NSMCE2: variants seen among roughly 807,000 people sequenced by gnomAD.
The protein encoded by NSMCE2 is NSE2 SUMO ligase component of SMC5/6 complex, also known as E3 SUMO-protein ligase NSE2.
In NSMCE2, 24 loss-of-function variants were observed where a neutral mutation model predicts 23.8. The observed-to-expected ratio is 1.01, with a 90% confidence interval of 0.73 to 1.42. The LOEUF (loss-of-function observed/expected upper bound fraction) is 1.42, where lower values mean the gene tolerates loss of function less well. Among genes scored for constraint, NSMCE2 ranks in the 40% most tolerant of loss-of-function variants. The pLI is 0.00. For synonymous variants in NSMCE2, 92 were observed against 94.1 expected, an observed-to-expected ratio of 0.98 and a Z score of 0.13; for missense variants, 284 against 296.5, an observed-to-expected ratio of 0.96 and a Z score of 0.31.
intron 5 of NSMCE2, among the ~76,000 whole-genome samples, chr8:125,334,772 CTTTTTTTTTTTTTT>C (rs34213706): frequency 3.6e-5 from 2 of 55,870 alleles, no homozygotes; most frequent in Non-Finnish European, 6.2e-5. Flanking sequence ...AGTATCTTTT[CTTTTTTTTTTTTTT>C]TTTTTTTTTT....
intron 4 of NSMCE2, among the ~76,000 whole-genome samples, chr8:125,162,637 G>C (rs542897281): frequency 6.6e-6 from 1 of 152,206 alleles, no homozygotes; most frequent in South Asian, 2.1e-4. Flanking sequence ...ATAACATTAT[G>C]TGAAAGTACT....
At chr8:125,188,048 A>G (rs1200831393) in intron 5 of NSMCE2, among the ~76,000 whole-genome samples, 1 of 152,180 alleles carries the variant, frequency 6.6e-6, no homozygotes, top group Non-Finnish European at 1.5e-5. Flanking sequence ...ACATATAGAG[A>G]CATAGGAATT....
chr8:125,165,963 A>G (rs1236141813), intron 4 of NSMCE2, among the ~76,000 whole-genome samples: 1 of 152,180 alleles, frequency 6.6e-6, no homozygotes, highest in Non-Finnish European at 1.5e-5. Context: ...AGAGCAGGTA[A>G]AGGATAAAGA....
intron 5 of NSMCE2, among the ~76,000 whole-genome samples, chr8:125,183,726 G>A (rs1485159723): frequency 6.6e-6 from 1 of 151,846 alleles, no homozygotes; most frequent in Non-Finnish European, 1.5e-5. Flanking sequence ...CAGTTGGGAT[G>A]TAGAGATTAA....
rs1182167887 is a variant in NSMCE2, at chr8:125,182,226, A to C, written c.388A>C (p.Lys130Gln). ...AAATAATGAAAAATTTGTACAGTTTAAACAACAGCTGAAAGAACTAAAGAA... is the reference window on the plus strand; with the variant it reads ...AAATAATGAAAAATTTGTACAGTTTCAACAACAGCTGAAAGAACTAAAGAA... ...FQNNEKFVQF[K>Q]QQLKELKKQC... is the part of the protein sequence containing the mutation. The change falls in exon 5 of 8, where the codon AAA (lysine) becomes CAA (glutamine). Residue 130 changes from lysine to glutamine, a missense_variant. Transcript: ENST00000287437. 6.2e-7 allele frequency: 1 copy of C among 1,607,682 alleles called. No individual in the cohort carries two copies. The highest frequency in any genetic ancestry group is 8.5e-7 in the Non-Finnish European group (1 of 1,177,868).
chr8:125,344,264 T>G (rs987213823), intron 5 of NSMCE2, among the ~76,000 whole-genome samples: 10 of 152,180 alleles, frequency 6.6e-5, no homozygotes, highest in Non-Finnish European at 1.5e-4. Flanking sequence ...CTCATCAATA[T>G]TATTTGGTCT....
At chr8:125,230,285 C>G (rs896683479) in intron 5 of NSMCE2, among the ~76,000 whole-genome samples, 1 of 148,358 alleles carries the variant, frequency 6.7e-6, no homozygotes, top group Admixed American at 6.6e-5. Context: ...CCAACCCTCT[C>G]TTACTGAACT....
intron 5 of NSMCE2, among the ~76,000 whole-genome samples, chr8:125,273,708 A>G (rs1341650901): frequency 6.6e-6 from 1 of 152,210 alleles, no homozygotes; most frequent in Non-Finnish European, 1.5e-5. Context: ...TCTCTTGGAA[A>G]TGACCTAAGA....
At chr8:125,298,687 GTTT>G (rs35334691) in intron 5 of NSMCE2, among the ~76,000 whole-genome samples, 21 of 85,970 alleles carry the variant, frequency 2.4e-4, no homozygotes, top group African/African-American at 3.6e-4. Context: ...TCATCTGTGG[GTTT>G]TTTTTTGTTT....
At chr8:125,161,303 A>T (rs36081564) in intron 4 of NSMCE2, among the ~76,000 whole-genome samples, 20,221 of 146,318 alleles carry the variant, frequency 0.14, 1,432 homozygotes, top group South Asian at 0.18. Context: ...TTCCTTTTTT[A>T]AAAAAAAAGT....
chr8:125,221,147 G>A (rs1485503361), intron 5 of NSMCE2, among the ~76,000 whole-genome samples: 2 of 152,066 alleles, frequency 1.3e-5, no homozygotes. Context: ...GCTCAACAAA[G>A]TTTAAATAAC....
At chr8:125,176,050 A>G (rs1822473686) in intron 4 of NSMCE2, among the ~76,000 whole-genome samples, 1 of 152,220 alleles carries the variant, frequency 6.6e-6, no homozygotes, top group Admixed American at 6.5e-5. Context: ...TGTTGCAGTC[A>G]CAGGGGTGTT....
intron 5 of NSMCE2, among the ~76,000 whole-genome samples, chr8:125,208,690 C>CT (rs1824209680): frequency 6.6e-6 from 1 of 152,162 alleles, no homozygotes; most frequent in South Asian, 2.1e-4. Context: ...AGGGAGACAT[C>CT]TTTGAAACCA....
intron 5 of NSMCE2, among the ~76,000 whole-genome samples, chr8:125,195,854 T>A (rs1235279573): frequency 2.0e-5 from 3 of 151,832 alleles, no homozygotes; most frequent in Non-Finnish European, 4.4e-5. Context: ...TTTATGTTAG[T>A]CATTACATTC....
At chr8:125,325,324 G>GTAAAA (rs1049841586) in intron 5 of NSMCE2, among the ~76,000 whole-genome samples, 1 of 50,588 alleles carries the variant, frequency 2.0e-5, no homozygotes, top group Admixed American at 3.2e-4. Context: ...ATAAAATAAA[G>GTAAAA]TAAAATAAAA....
intron 4 of NSMCE2, among the ~76,000 whole-genome samples, chr8:125,160,418 C>T (rs1430787461): frequency 6.6e-6 from 1 of 152,092 alleles, no homozygotes; most frequent in South Asian, 2.1e-4. Context: ...GATGATGTTC[C>T]GAGATAGGCT....
At chr8:125,249,953 T>C (rs940907431) in intron 5 of NSMCE2, among the ~76,000 whole-genome samples, 6 of 152,162 alleles carry the variant, frequency 3.9e-5, no homozygotes, top group African/African-American at 1.4e-4. Flanking sequence ...GGAAAAAACA[T>C]TGGGAAACAG....
At chr8:125,134,025 A>G (rs367580058) in intron 3 of NSMCE2, among the ~76,000 whole-genome samples, 5 of 152,316 alleles carry the variant, frequency 3.3e-5, no homozygotes, top group African/African-American at 1.2e-4. Flanking sequence ...TTCCCAGTTG[A>G]TGGTGATGGT....
intron 4 of NSMCE2, among the ~76,000 whole-genome samples, chr8:125,167,600 A>C (rs1183181345): frequency 6.6e-6 from 1 of 151,958 alleles, no homozygotes; most frequent in Non-Finnish European, 1.5e-5. Flanking sequence ...GTGCTACTGC[A>C]CTCCAGCCTG....
Sources: allele counts gnomAD v4.1 joint callset (sites outside exome capture counted in the v4.1 genomes callset), GRCh38; gene constraint gnomAD v4.1.1; transcripts MANE v1.5; gene names NCBI Gene and HGNC (gene_info 2026-07-23, HGNC 2026-07-21).